The following DUS3L variants were observed in gnomAD, a reference collection of about 807,000 sequenced individuals.
The protein encoded by DUS3L is tRNA-dihydrouridine(47) synthase [NAD(P)(+)]-like.
A neutral mutation model predicts 74.6 loss-of-function variants in DUS3L; 62 were observed. The observed-to-expected ratio is 0.83, with a 90% CI of 0.68 to 1.03. DUS3L has a LOEUF of 1.03. DUS3L is among the 50% of genes least tolerant of loss of function. DUS3L has a pLI of 0.00. For synonymous variants in DUS3L, 433 were observed against 395.7 expected, an observed-to-expected ratio of 1.09 and a Z score of -1.12; for missense variants, 884 against 924.4, an observed-to-expected ratio of 0.96 and a Z score of 0.57.
chr19:5,790,113 G>T lies in DUS3L; in HGVS notation c.321C>A (p.Asn107Lys). 1.9e-6 allele frequency: 3 copies of T among 1,614,142 alleles called. No individual in the cohort carries two copies. The highest frequency in any genetic ancestry group is 2.5e-6 in the Non-Finnish European group (3 of 1,180,012). Residue 107 changes from asparagine to lysine, a missense_variant, in exon 2 of 13, where the codon AAC (asparagine) becomes AAA (lysine). Physicochemically the swap from Asn to Lys is moderately conservative, Grantham distance 94. Transcript: ENST00000309061. ...TGGGCTTCACATGGGGCCGGCCCTT[G>T]TTTTGTCCCCGGGCCCTCTTCTGAG... ...LQTQKRARGQNKGRPHVKPTN... is the reference protein window; with the variant it reads ...LQTQKRARGQKKGRPHVKPTN...
intron 7 of DUS3L, 43 bp downstream of exon 7, chr19:5,787,253 G>A: frequency 2.1e-5 from 3 of 140,384 alleles, no homozygotes; most frequent in Non-Finnish European, 3.6e-5. Context: ...CAGGGCCCGG[G>A]GGAGTTGTTT....
chr19:5,789,270 C>T lies in DUS3L; in HGVS notation c.837G>A (p.Val279=). 6.3e-6 allele frequency: 10 copies of T among 1,585,532 alleles called. No individual in the cohort carries two copies. Among genetic ancestry groups the T allele is most frequent in the Non-Finnish European group, 7.7e-6 (9 of 1,167,696 alleles). The change falls in exon 3 of 13, where the codon GTG becomes GTA. Residue 279 remains valine, a synonymous_variant. Transcript: ENST00000309061. The part of the protein sequence containing the change: ...PGTSTPPSSP[V]RTCGPLTDED... Reference sequence around the variant, plus strand: ...CATCCGTCAGGGGCCCGCAGGTCCGCACGGGGCTGCTGGGAGGGGTGCTAG... The same window carrying T: ...CATCCGTCAGGGGCCCGCAGGTCCGTACGGGGCTGCTGGGAGGGGTGCTAG...
In DUS3L at chr19:5,787,626, A is replaced by T. The variant is rs2056866733; in HGVS notation, c.1175T>A (p.Ile392Asn). 6.2e-7 allele frequency: 1 copy of T among 1,613,704 alleles called. No homozygotes were observed. Among genetic ancestry groups the T allele is most frequent in the Non-Finnish European group, 8.5e-7 (1 of 1,179,982 alleles). Residue 392 changes from isoleucine (I) to asparagine (N), a missense_variant, in exon 6 of 13, where the codon ATC becomes AAC. Physicochemically the swap from Ile to Asn is moderately radical, Grantham distance 149 (BLOSUM62 -3). Coordinates refer to ENST00000309061, the MANE Select transcript of DUS3L (RefSeq NM_020175.3). The part of the protein sequence containing the change: ...SRTVEVDFVD[I>N]NVGCPIDLVY... Reference sequence around the variant, plus strand: ...GAGGTCGATGGGGCAGCCGACGTTGATGTCCACAAAGTCCACCTCCACGGT... The same window carrying T: ...GAGGTCGATGGGGCAGCCGACGTTGTTGTCCACAAAGTCCACCTCCACGGT...
At chr19:5,786,179 C>T (rs1252027580) in intron 10 of DUS3L, among the ~76,000 whole-genome samples, 1 of 152,130 alleles carries the variant, frequency 6.6e-6, no homozygotes, top group Non-Finnish European at 1.5e-5. Flanking sequence ...GAACCTCCGA[C>T]CTCAAATGAT....
chr19:5,790,780 A>G, intron 1 of DUS3L: 1 of 584,040 alleles, frequency 1.7e-6, no homozygotes, highest in Non-Finnish European at 3.1e-6. Context: ...AGGGACTACA[A>G]TCCCCAGTAT....
chr19:5,785,333 T>TGAC (rs1485120116), intron 12 of DUS3L, 50 bp downstream of exon 12: 1 of 1,608,806 alleles, frequency 6.2e-7, no homozygotes, highest in Admixed American at 1.7e-5. Flanking sequence ...GTACCCTCCG[T>TGAC]GACCCCGGGC....
At position 5,791,138 on chromosome 19, in the gene DUS3L, C is replaced by A; in HGVS notation, c.4G>T (p.Ala2Ser). ...AGAGGAGCCTCCGCCGTTCCCTCCGCCATCGGCGCCCCTCACATCCGCTCT... is the reference window on the plus strand; with the variant it reads ...AGAGGAGCCTCCGCCGTTCCCTCCGACATCGGCGCCCCTCACATCCGCTCT... M[A>S]EGTAEAPLEN... Residue 2 changes from alanine to serine, a missense_variant, in exon 1 of 13, where the codon GCG (alanine) becomes TCG (serine). Transcript: ENST00000309061. The A allele has an allele frequency of 1.2e-6, 2 of 1,604,082 alleles. No individual in the cohort carries two copies. Among genetic ancestry groups the A allele is most frequent in the Non-Finnish European group, 8.5e-7 (1 of 1,175,704 alleles).
At chr19:5,787,787 G>A in intron 5 of DUS3L, 82 bp from the exon 6 acceptor site, 2 of 1,522,594 alleles carry the variant, frequency 1.3e-6, no homozygotes, top group Non-Finnish European at 9.0e-7. Flanking sequence ...CCCACTGGGG[G>A]GCCCTGAGCC....
At position 5,789,226 on chromosome 19, in the gene DUS3L, C is replaced by T. The variant is rs1363620146; in HGVS notation, c.881G>A (p.Arg294Gln). 8 of 1,551,700 alleles carry T rather than the reference C, an allele frequency of 5.2e-6. No individual in the cohort carries two copies. The highest frequency in any genetic ancestry group is 2.3e-5 in the East Asian group (1 of 43,896). The change falls in exon 3 of 13, where the codon CGG becomes CAG. Residue 294 changes from arginine (R) to glutamine (Q), a missense_variant. Arg to Gln is a conservative substitution (Grantham distance 43, BLOSUM62 1). Coordinates refer to ENST00000309061, the MANE Select transcript of DUS3L (RefSeq NM_020175.3). ...PLTDEDVVRLRPCEKKRLDIR... is the reference protein window; with the variant it reads ...PLTDEDVVRLQPCEKKRLDIR... ...ACGTACCCGCTTCTTCTCACAGGGC[C>T]GCAGCCTGACCACGTCCTCATCCGT... is the stretch of plus-strand genomic sequence containing the variant.
chr19:5,789,416 C>A lies in DUS3L; in HGVS notation c.691G>T (p.Ala231Ser). 3.8e-6 allele frequency: 6 copies of A among 1,596,890 alleles called. No homozygotes were observed. The highest frequency in any genetic ancestry group is 5.1e-6 in the Non-Finnish European group (6 of 1,175,620). The change falls in exon 3 of 13, where the codon GCC becomes TCC. Residue 231 changes from alanine to serine, a missense_variant. Ala to Ser is a moderately conservative substitution (Grantham distance 99). Coordinates refer to ENST00000309061, the MANE Select transcript of DUS3L (RefSeq NM_020175.3). ...REVRFERAEQ[A>S]LRRFSQGPTP... ...GGGCCCTGGCTGAACCGGCGCAGGGCCTGCTCAGCTCGCTCGAAGCGGACC... is the reference window on the plus strand; with the variant it reads ...GGGCCCTGGCTGAACCGGCGCAGGGACTGCTCAGCTCGCTCGAAGCGGACC...
rs574379504 is a variant in DUS3L at position 5,786,735 on chromosome 19, C to T, written c.1486+14G>A. 1.2e-6 allele frequency: 2 copies of T among 1,608,962 alleles called. No homozygotes were observed. The highest frequency in any genetic ancestry group is 1.7e-5 in the Admixed American group (1 of 59,642). On this transcript the variant is annotated intron_variant, in intron 9 of 12. Transcript: ENST00000309061. ...GTGGTAGGGGAGAGGGAGGTGGCTT[C>T]CCGGAACACCCACCGAACAGGGGCA... is the stretch of plus-strand genomic sequence containing the variant.
chr19:5,787,526 C>T (rs2056865609), intron 6 of DUS3L, 63 bp downstream of exon 6: 3 of 1,576,284 alleles, frequency 1.9e-6, no homozygotes, highest in Admixed American at 1.7e-5. Flanking sequence ...CGAGACATCG[C>T]CGGCTGGGTC....
chr19:5,790,049 G>C lies in DUS3L; in HGVS notation c.385C>G (p.Gln129Glu), dbSNP rs1245252743. ...AATGCTCACGTGGCCGCACTTGCCTGGATTAGGGAGGGACACAGCCTGTTC... is the reference window on the plus strand; with the variant it reads ...AATGCTCACGTGGCCGCACTTGCCTCGATTAGGGAGGGACACAGCCTGTTC... ...DKNRLCPSLI[Q>E]ESAAKCFFGD... The change falls in exon 2 of 13, where the codon CAG (glutamine) becomes GAG (glutamate). Residue 129 changes from glutamine (Q) to glutamate (E), a missense_variant and splice_region_variant. Physicochemically the swap from Gln to Glu is conservative, Grantham distance 29. Coordinates refer to ENST00000309061, the MANE Select transcript of DUS3L (RefSeq NM_020175.3). 1 of 1,613,028 alleles carries C rather than the reference G, an allele frequency of 6.2e-7. No homozygotes were observed. Among genetic ancestry groups the C allele is most frequent in the Admixed American group, 1.7e-5 (1 of 60,016 alleles).
At chr19:5,788,802 G>C (rs2056880336) in intron 3 of DUS3L, among the ~76,000 whole-genome samples, 1 of 151,786 alleles carries the variant, frequency 6.6e-6, no homozygotes, top group African/African-American at 2.4e-5. Context: ...CGCCTCCTGG[G>C]TTCAAGTGAT....
At chr19:5,786,057 T>C (rs2056838651) in intron 10 of DUS3L, 2 of 502,538 alleles carry the variant, frequency 4.0e-6, no homozygotes, top group South Asian at 2.9e-5. Context: ...GTTCAGGCAA[T>C]TGTCCTGCCT....
At chr19:5,788,530 C>T in intron 3 of DUS3L, 132 bp from the exon 4 acceptor site, 7 of 939,222 alleles carry the variant, frequency 7.5e-6, no homozygotes, top group Non-Finnish European at 1.1e-5. Context: ...TGGGCCTCTG[C>T]ATGTGCCAAT....
At position 5,789,704 on chromosome 19, in the gene DUS3L, AC is replaced by A; in HGVS notation, c.402del (p.Lys134AsnfsTer42). ...AAGCGGCAGCGATCACCGAAGAAAC[AC>A]TTAGCAGCCGACTCCTGCGAGGAAA... ...CPSLIQESAA[K>X]CFFGDRCRFL... is the part of the protein sequence containing the mutation. On this transcript the variant is annotated frameshift_variant, in exon 3 of 13. Transcript: ENST00000309061. LOFTEE classifies it high-confidence loss of function. 1 of 1,606,410 alleles carries A rather than the reference AC, an allele frequency of 6.2e-7. No individual in the cohort carries two copies. The highest frequency in any genetic ancestry group is 8.5e-7 in the Non-Finnish European group (1 of 1,177,476).
At chr19:5,789,783 G>GT in intron 2 of DUS3L, 64 bp from the exon 3 acceptor site, 1 of 1,544,180 alleles carries the variant, frequency 6.5e-7, no homozygotes, top group Non-Finnish European at 8.7e-7. Flanking sequence ...CAGCAGCCAG[G>GT]GTTCAAACTC....
intron 8 of DUS3L, 63 bp downstream of exon 8, chr19:5,786,998 C>A (rs1413057294): frequency 1.5e-5 from 23 of 1,490,680 alleles, no homozygotes; most frequent in Non-Finnish European, 1.8e-5. Flanking sequence ...AGGAGAGGAG[C>A]CATTAGGAAG....
Sources: gnomAD v4.1 joint callset for allele counts (sites outside exome capture counted in the v4.1 genomes callset) on GRCh38, gnomAD v4.1.1 for gene constraint, MANE v1.5 for transcripts, NCBI Gene and HGNC (gene_info 2026-07-23, HGNC 2026-07-21) for gene names.